CPNE4: variants seen among roughly 807,000 people sequenced by gnomAD.
CPNE4 encodes copine 4.
A neutral mutation model predicts 67.9 loss-of-function variants in CPNE4; 25 were observed. The observed-to-expected ratio is 0.37, with a 90% CI of 0.27 to 0.51. The LOEUF (loss-of-function observed/expected upper bound fraction) is 0.51. Ranked by LOEUF, CPNE4 falls within the 20% of genes least tolerant of loss-of-function variation. The probability of loss-of-function intolerance (pLI) is 0.93; values close to 1 mark genes in which losing one functional copy is unlikely to be tolerated. For missense variants in CPNE4, 464 were observed against 690.8 expected (o/e 0.67, Z 3.68); for synonymous variants, 242 against 244.9 (o/e 0.99, Z 0.11).
chr3:131,895,670 A>G (rs1012300344), intron 2 of CPNE4, among the ~76,000 whole-genome samples: 8 of 152,120 alleles, frequency 5.3e-5, no homozygotes, highest in African/African-American at 1.9e-4. Context: ...ATCTAAAATG[A>G]ATGCATTTTG....
chr3:131,657,826 A>G (rs1349062248), intron 7 of CPNE4, among the ~76,000 whole-genome samples: 1 of 151,614 alleles, frequency 6.6e-6, no homozygotes, highest in African/African-American at 2.4e-5. Flanking sequence ...AGCCTTCCAA[A>G]GTGCTGGGAT....
intron 1 of CPNE4, among the ~76,000 whole-genome samples, chr3:131,948,152 T>C (rs2071615278): frequency 2.0e-5 from 3 of 152,188 alleles, no homozygotes; most frequent in African/African-American, 7.2e-5. Context: ...GTTTATATGA[T>C]TTGGCTCTGT....
chr3:131,725,479 C>T (rs2081980487), intron 2 of CPNE4, among the ~76,000 whole-genome samples: 1 of 152,206 alleles, frequency 6.6e-6, no homozygotes, highest in African/African-American at 2.4e-5. Flanking sequence ...GGTTATCTGC[C>T]TGTTCCAGCT....
chr3:131,623,122 G>A (rs1467033757), intron 7 of CPNE4, among the ~76,000 whole-genome samples: 2 of 152,042 alleles, frequency 1.3e-5, no homozygotes, highest in Admixed American at 6.5e-5. Context: ...AATTCTGTCT[G>A]CGATGTCTAT....
chr3:131,740,012 T>A (rs2082321620), intron 2 of CPNE4, among the ~76,000 whole-genome samples: 1 of 152,232 alleles, frequency 6.6e-6, no homozygotes. Flanking sequence ...GAGATACCTC[T>A]TATCTTTTAC....
chr3:131,641,198 A>G (rs760332724), intron 7 of CPNE4, among the ~76,000 whole-genome samples: 1 of 152,190 alleles, frequency 6.6e-6, no homozygotes, highest in Admixed American at 6.5e-5. Flanking sequence ...GCTTCTGCAC[A>G]GTAAAAGAAA....
At chr3:131,859,743 A>C (rs1054994240) in intron 2 of CPNE4, among the ~76,000 whole-genome samples, 6 of 152,190 alleles carry the variant, frequency 3.9e-5, no homozygotes, top group African/African-American at 1.4e-4. Context: ...GCAGATGACA[A>C]GTGTCCCTGG....
In CPNE4 at chr3:132,034,906, G is replaced by C. The variant is rs1344687246; in HGVS notation, c.-341C>G. The C allele has an allele frequency of 2.4e-5, 24 of 985,330 alleles. No individual in the cohort carries two copies. The highest frequency in any genetic ancestry group is 2.8e-5 in the Non-Finnish European group (23 of 829,978). The allele number at this position is 985,330 out of a possible 1,614,324, so 61.0% of individuals were successfully genotyped here. ...GGAGGGTACTGAGAAAAGAGGGAGG[G>C]AGTGGAGTGGAGCGAGGGAGGAAGG... On this transcript the variant is annotated 5_prime_UTR_variant, in exon 1 of 16. Coordinates refer to ENST00000429747, the MANE Select transcript of CPNE4 (RefSeq NM_130808.3).
At chr3:132,027,833 A>G (rs1174572131) in intron 1 of CPNE4, among the ~76,000 whole-genome samples, 1 of 152,132 alleles carries the variant, frequency 6.6e-6, no homozygotes, top group Non-Finnish European at 1.5e-5. Context: ...TTTAATGATA[A>G]TGATAAAGTA....
At chr3:131,635,006 A>T in intron 7 of CPNE4, among the ~76,000 whole-genome samples, 1 of 152,192 alleles carries the variant, frequency 6.6e-6, no homozygotes, top group East Asian at 1.9e-4. Context: ...GAAAAACTTG[A>T]TTATGACAGG....
At chr3:131,545,806 G>A (rs1935803762) in intron 14 of CPNE4, among the ~76,000 whole-genome samples, 1 of 152,226 alleles carries the variant, frequency 6.6e-6, no homozygotes, top group African/African-American at 2.4e-5. Context: ...GCTCACGCCT[G>A]TAATCCTAGC....
intron 3 of CPNE4, among the ~76,000 whole-genome samples, chr3:131,716,535 G>A (rs2081690946): frequency 6.6e-6 from 1 of 151,924 alleles, no homozygotes; most frequent in Admixed American, 6.6e-5. Flanking sequence ...TATTATACTC[G>A]CCCAGGACGT....
intron 7 of CPNE4, among the ~76,000 whole-genome samples, chr3:131,638,877 C>T (rs146650695): frequency 0.014 from 2,123 of 152,138 alleles, 31 homozygotes; most frequent in Non-Finnish European, 0.021. Flanking sequence ...ACCCTCAAAA[C>T]GATGCAAATA....
At chr3:131,645,988 A>G (rs1325758007) in intron 7 of CPNE4, among the ~76,000 whole-genome samples, 2 of 152,230 alleles carry the variant, frequency 1.3e-5, no homozygotes, top group South Asian at 2.1e-4. Flanking sequence ...CAACTGTTGC[A>G]TAGTATCCAA....
intron 10 of CPNE4, among the ~76,000 whole-genome samples, chr3:131,570,506 A>G (rs1217789428): frequency 6.6e-6 from 1 of 151,740 alleles, no homozygotes; most frequent in Non-Finnish European, 1.5e-5. Context: ...GCATCTGTCT[A>G]TTTTGTGTTA....
At chr3:131,604,727 C>A (rs745790198) in intron 7 of CPNE4, among the ~76,000 whole-genome samples, 1 of 151,974 alleles carries the variant, frequency 6.6e-6, no homozygotes, top group African/African-American at 2.4e-5. Context: ...TGTTGTGGGA[C>A]CTTGTGATTG....
At chr3:131,945,153 T>C (rs2071514210) in intron 1 of CPNE4, among the ~76,000 whole-genome samples, 2 of 152,036 alleles carry the variant, frequency 1.3e-5, no homozygotes, top group Non-Finnish European at 2.9e-5. Context: ...AGAAAAAGAA[T>C]TACAGTCAGC....
rs1934996452 is a variant in CPNE4 at position 131,533,671 on chromosome 3, G to A, written c.*1524C>T. The stretch of plus-strand genomic sequence containing the variant: ...TCATTCCCAAAATGTTGTGCATTTG[G>A]TGACATGTATTTGCAAGATTAGGAT... On this transcript the variant is annotated 3_prime_UTR_variant, in exon 16 of 16. Transcript: ENST00000429747. 1 of 152,140 alleles carries A rather than the reference G, an allele frequency of 6.6e-6. No individual in the cohort carries two copies. The highest frequency in any genetic ancestry group is 2.4e-5 in the African/African-American group (1 of 41,418). The allele number at this position is 152,140 out of a possible 1,614,324, so 9.4% of individuals were successfully genotyped here.
intron 2 of CPNE4, among the ~76,000 whole-genome samples, chr3:131,725,789 GA>G (rs2081986546): frequency 6.6e-6 from 1 of 152,016 alleles, no homozygotes; most frequent in South Asian, 2.1e-4. Flanking sequence ...CCTTCCTTTA[GA>G]AAAACTTGGA....
Sources: gnomAD v4.1 joint callset for allele counts (sites outside exome capture counted in the v4.1 genomes callset) on GRCh38, gnomAD v4.1.1 for gene constraint, MANE v1.5 for transcripts, NCBI Gene and HGNC (gene_info 2026-07-23, HGNC 2026-07-21) for gene names.